The following HERC5 variants were observed in gnomAD, a reference collection of about 807,000 sequenced individuals.
HERC5 encodes HECT and RLD domain containing E3 ubiquitin protein ligase 5, also known as E3 ISG15--protein ligase HERC5.
A neutral mutation model predicts 119.6 loss-of-function variants in HERC5; 99 were observed. The observed-to-expected ratio is 0.83, with a 90% confidence interval of 0.70 to 0.98. The LOEUF (loss-of-function observed/expected upper bound fraction) is 0.98, where lower values mean the gene tolerates loss of function less well. HERC5 is among the 50% of genes least tolerant of loss of function. The probability of loss-of-function intolerance (pLI) is 0.00; values close to 1 mark genes in which losing one functional copy is unlikely to be tolerated. For synonymous variants in HERC5, 478 were observed against 445.9 expected, an observed-to-expected ratio of 1.07 and a Z score of -0.91; for missense variants, 1,267 against 1,241.3, an observed-to-expected ratio of 1.02 and a Z score of -0.31.
At chr4:88,463,280 C>A (rs139433823) in intron 4 of HERC5, among the ~76,000 whole-genome samples, 1 of 152,324 alleles carries the variant, frequency 6.6e-6, no homozygotes, top group Non-Finnish European at 1.5e-5. Flanking sequence ...CAAGTCATAA[C>A]TGAGAACAGG....
chr4:88,498,822 C>T (rs529848982), intron 18 of HERC5, among the ~76,000 whole-genome samples: 2 of 152,310 alleles, frequency 1.3e-5, no homozygotes, highest in East Asian at 1.9e-4. Context: ...CCACCCGCCT[C>T]GGCCTCCCAA....
chr4:88,459,271 T>C, intron 1 of HERC5, 76 bp from the exon 2 acceptor site: 1 of 1,202,936 alleles, frequency 8.3e-7, no homozygotes. Context: ...ATGTTTTAAG[T>C]GTATTATAAT....
rs1303460370 is a variant in HERC5 at position 88,487,052 on chromosome 4, G to A, written c.1852-17G>A. 2.6e-6 allele frequency: 4 copies of A among 1,543,714 alleles called. No homozygotes were observed. The East Asian group carries it at 6.8e-5, about 26-fold the overall frequency. On this transcript the variant is annotated splice_polypyrimidine_tract_variant and intron_variant, in intron 14 of 22. Coordinates refer to ENST00000264350, the MANE Select transcript of HERC5 (RefSeq NM_016323.4). The stretch of plus-strand genomic sequence containing the variant: ...TGTCCTTTAACTTATCAGAATTATT[G>A]TCATTTCCATTTTTAGGACGCTTCA...
chr4:88,465,104 G>T (rs182301231), intron 6 of HERC5, among the ~76,000 whole-genome samples: 3 of 152,050 alleles, frequency 2.0e-5, no homozygotes, highest in Non-Finnish European at 4.4e-5. Context: ...TAGTAGAGTC[G>T]GGGTTTCACC....
In HERC5 at chr4:88,489,227, T is replaced by A; in HGVS notation, c.2024T>A (p.Phe675Tyr). 1.2e-6 allele frequency: 2 copies of A among 1,613,964 alleles called. No individual in the cohort carries two copies. The highest frequency in any genetic ancestry group is 8.5e-7 in the Non-Finnish European group (1 of 1,179,920). Residue 675 changes from phenylalanine to tyrosine, a missense_variant, in exon 16 of 23, where the codon TTC (phenylalanine) becomes TAC (tyrosine). Phe to Tyr is a conservative substitution (Grantham distance 22). This residue lies in a region of HERC5 where 473 missense variants were observed against 445.7 expected (regional missense o/e 1.06). Coordinates refer to ENST00000264350, the MANE Select transcript of HERC5 (RefSeq NM_016323.4). ...AAIEEERESE[F>Y]ALRPTFDLTV... ...ATTGAGGAAGAAAGAGAGTCTGAATTCGCTTTGAGGCCCACGTTTGATCTA... is the reference window on the plus strand; with the variant it reads ...ATTGAGGAAGAAAGAGAGTCTGAATACGCTTTGAGGCCCACGTTTGATCTA...
chr4:88,498,303 C>T (rs1442655891), intron 18 of HERC5, among the ~76,000 whole-genome samples: 2 of 152,166 alleles, frequency 1.3e-5, no homozygotes, highest in Admixed American at 1.3e-4. Context: ...AAGCACCCAA[C>T]ACTAATGTGT....
At chr4:88,470,783 A>T (rs540453845) in intron 10 of HERC5, 110 bp downstream of exon 10, 34 of 481,072 alleles carry the variant, frequency 7.1e-5, no homozygotes, top group South Asian at 5.0e-4. Context: ...CTTTTTAAAA[A>T]TTTTTTTTAA....
In HERC5 at chr4:88,469,201, A is replaced by G. The variant is rs371218901; in HGVS notation, c.1179A>G (p.Glu393=). 23 of 1,613,318 alleles carry G rather than the reference A, an allele frequency of 1.4e-5. No homozygotes were observed. The highest frequency in any genetic ancestry group is 1.7e-5 in the Non-Finnish European group (20 of 1,179,316). Reference sequence around the variant, plus strand: ...AGAGGACAATTCCTACTCTGAATGAAGGGACTGTAAAGAGATGGATTGCTG... The same window carrying G: ...AGAGGACAATTCCTACTCTGAATGAGGGGACTGTAAAGAGATGGATTGCTG... The part of the protein sequence containing the change: ...NLKRTIPTLN[E]GTVKRWIADV... The change falls in exon 9 of 23, where the codon GAA becomes GAG. Residue 393 remains glutamate (E), a synonymous_variant. Transcript: ENST00000264350.
intron 16 of HERC5, 47 bp from the exon 17 acceptor site, chr4:88,492,965 C>T (rs764437186): frequency 1.9e-6 from 3 of 1,578,234 alleles, no homozygotes; most frequent in East Asian, 2.2e-5. Context: ...TCATATATAG[C>T]AATATAGAGC....
chr4:88,469,101 G>T, intron 8 of HERC5, 56 bp from the exon 9 acceptor site: 2 of 1,140,642 alleles, frequency 1.8e-6, no homozygotes, highest in Non-Finnish European at 2.6e-6. Context: ...TAAAAGTTGG[G>T]TGCCTATCTC....
chr4:88,462,425 C>T, intron 4 of HERC5, 69 bp downstream of exon 4: 6 of 1,313,134 alleles, frequency 4.6e-6, no homozygotes, highest in African/African-American at 2.9e-5. Context: ...ATGGACCTCC[C>T]TGTCAAAAAT....
At chr4:88,490,601 T>C (rs1741605291) in intron 16 of HERC5, among the ~76,000 whole-genome samples, 1 of 152,176 alleles carries the variant, frequency 6.6e-6, no homozygotes, top group South Asian at 2.1e-4. Flanking sequence ...CCTAGCACTT[T>C]AGGAGACTGA....
At chr4:88,496,831 A>G (rs533507027) in intron 18 of HERC5, among the ~76,000 whole-genome samples, 14 of 152,312 alleles carry the variant, frequency 9.2e-5, no homozygotes, top group Middle Eastern at 3.4e-3. Context: ...GAAAAATGCA[A>G]AAGGGAAGGT....
At position 88,457,435 on chromosome 4, in the gene HERC5, C is replaced by T; in HGVS notation, c.166C>T (p.Leu56Phe). 3.0e-6 allele frequency: 4 copies of T among 1,352,986 alleles called. No individual in the cohort carries two copies. In the Middle Eastern group the frequency reaches 7.6e-4, roughly 258 times the overall value. 83.8% of individuals were successfully genotyped at this position (1,352,986 alleles called of 1,614,324 possible). A position where few individuals can be genotyped will look rare whatever the true frequency, so the allele number is the denominator to read the frequency against. Residue 56 changes from leucine to phenylalanine, a missense_variant, in exon 1 of 23, where the codon CTC becomes TTC. By Grantham distance (22) the Leu-to-Phe change is conservative. Around this residue, in one of 3 missense-constraint regions of HERC5, gnomAD observed 777 missense variants for 758.0 expected, o/e 1.03. Coordinates refer to ENST00000264350, the MANE Select transcript of HERC5 (RefSeq NM_016323.4). ...LLRRVEVTRQ[L>F]CCSPGRLAVL... is the part of the protein sequence containing the mutation. ...CCGGAGGGTGGAGGTGACGCGCCAA[C>T]TCTGCTGCTCGCCGGGGCGCCTCGC...
chr4:88,499,510 C>CTTT (rs1041941900), intron 18 of HERC5, among the ~76,000 whole-genome samples: 60 of 152,140 alleles, frequency 3.9e-4, no homozygotes, highest in Admixed American at 1.3e-4. Context: ...AGAGAAGGTC[C>CTTT]TTTGACCCAC....
chr4:88,502,890 G>A (rs1055956465), intron 20 of HERC5, among the ~76,000 whole-genome samples: 17 of 151,368 alleles, frequency 1.1e-4, no homozygotes, highest in Non-Finnish European at 1.5e-4. Flanking sequence ...CAGTTTATGA[G>A]AGTTCTAGAT....
chr4:88,469,694 G>C (rs1439591303), intron 9 of HERC5, among the ~76,000 whole-genome samples: 1 of 152,140 alleles, frequency 6.6e-6, no homozygotes, highest in Non-Finnish European at 1.5e-5. Flanking sequence ...TTATTCACTT[G>C]TTCAAGTGCT....
At chr4:88,502,276 A>G (rs757024586) in intron 20 of HERC5, among the ~76,000 whole-genome samples, 3 of 152,204 alleles carry the variant, frequency 2.0e-5, no homozygotes, top group Non-Finnish European at 4.4e-5. Context: ...GGCAGAATCA[A>G]TGCTCCTACC....
intron 16 of HERC5, among the ~76,000 whole-genome samples, chr4:88,492,301 G>A (rs942096824): frequency 2.0e-5 from 3 of 151,898 alleles, no homozygotes; most frequent in African/African-American, 7.3e-5. Context: ...ACCACGCCCG[G>A]CCAATTTTTA....
Sources: allele counts gnomAD v4.1 joint callset (sites outside exome capture counted in the v4.1 genomes callset), GRCh38; gene constraint gnomAD v4.1.1; regional missense constraint gnomAD v4.1.1; transcripts MANE v1.5; gene names NCBI Gene and HGNC (gene_info 2026-07-23, HGNC 2026-07-21).